The following SLC27A1 variants were observed in gnomAD, a reference collection of about 807,000 sequenced individuals.
SLC27A1 encodes long-chain fatty acid transport protein 1.
A neutral mutation model predicts 62.2 loss-of-function variants in SLC27A1; 61 were observed. That is an observed-to-expected ratio of 0.98 (90% CI 0.80 to 1.21). SLC27A1 has a LOEUF of 1.21. Among genes scored for constraint, SLC27A1 ranks in the 50% most tolerant of loss-of-function variants. The pLI, the probability that SLC27A1 is intolerant of heterozygous loss-of-function variation, is 0.00. For missense variants in SLC27A1, 903 were observed against 932.1 expected, an observed-to-expected ratio of 0.97 and a Z score of 0.41; for synonymous variants, 435 against 408.6, an observed-to-expected ratio of 1.06 and a Z score of -0.78.
chr19:17,502,608 C>A lies in SLC27A1; in HGVS notation c.1783+1189C>A, dbSNP rs2075429504. Reference sequence around the variant, plus strand: ...ACCTCAAGTGATCCACCTGCCTTGGCCTCCCAAAGTGTTGGGATTACACAC... The same window carrying A: ...ACCTCAAGTGATCCACCTGCCTTGGACTCCCAAAGTGTTGGGATTACACAC... On this transcript the variant is annotated intron_variant, in intron 11 of 11. Coordinates refer to ENST00000252595, the MANE Select transcript of SLC27A1 (RefSeq NM_198580.3). 5.3e-5 allele frequency among the ~76,000 whole-genome samples: 8 copies of A among 152,112 alleles called. No individual in the cohort carries two copies. In the South Asian group the frequency reaches 1.5e-3, roughly 28 times the overall value.
intron 1 of SLC27A1, among the ~76,000 whole-genome samples, chr19:17,479,357 T>C (rs2075153876): frequency 1.3e-5 from 2 of 152,184 alleles, no homozygotes; most frequent in Admixed American, 6.5e-5. Context: ...GCTGTCTTTG[T>C]CATGAAATCA....
intron 6 of SLC27A1, 84 bp from the exon 7 acceptor site, chr19:17,497,170 TG>T: frequency 9.4e-7 from 1 of 1,064,718 alleles, no homozygotes; most frequent in Non-Finnish European, 1.4e-6. Context: ...GCTCCCTGGG[TG>T]GGGCGGTCTC....
chr19:17,501,520 G>A (rs2075412772), intron 11 of SLC27A1, 101 bp downstream of exon 11: 7 of 1,482,118 alleles, frequency 4.7e-6, no homozygotes, highest in Non-Finnish European at 5.4e-6. Flanking sequence ...ATACCTGGCC[G>A]GGGCCAGGCA....
chr19:17,489,172 CCCTCCCAATCAGGCCCCACCT>C (rs1320139986), intron 6 of SLC27A1, 55 bp downstream of exon 6: 2 of 1,468,648 alleles, frequency 1.4e-6, no homozygotes, highest in African/African-American at 2.8e-5. Context: ...AGGCCTCACC[CCCTCCCAATCAGGCCCCACCT>C]CCTCCCGGTG....
rs2075476286 is a variant in SLC27A1 at position 17,505,985 on chromosome 19, C to G, written c.*1373C>G. The G allele has an allele frequency of 6.6e-6, 1 of 152,308 alleles. No individual in the cohort carries two copies. Among genetic ancestry groups the G allele is most frequent in the Non-Finnish European group, 1.5e-5 (1 of 68,136 alleles). 9.4% of individuals were successfully genotyped at this position (152,308 alleles called of 1,614,324 possible). A position where few individuals can be genotyped will look rare whatever the true frequency, so the allele number is the denominator to read the frequency against. On this transcript the variant is annotated 3_prime_UTR_variant, in exon 12 of 12. Transcript: ENST00000252595. ...TCGCTGGTGGCTCATCTCGAACATCCACGCCAGCCTTTCTGGGGCCGGCCA... is the reference window on the plus strand; with the variant it reads ...TCGCTGGTGGCTCATCTCGAACATCGACGCCAGCCTTTCTGGGGCCGGCCA...
rs1199575195 is a variant in SLC27A1, at chr19:17,486,446, A to G, written c.168-117A>G. On this transcript the variant is annotated intron_variant, in intron 1 of 11. Coordinates refer to ENST00000252595, the MANE Select transcript of SLC27A1 (RefSeq NM_198580.3). The surrounding 1 kb of genome is among the most constrained non-coding windows in gnomAD (Gnocchi z 6.6). Reference sequence around the variant, plus strand: ...AGATCCAGCCACCAAAAGTTTCACCATAGACCTCATCAAAGCCCCTGGCTG... The same window carrying G: ...AGATCCAGCCACCAAAAGTTTCACCGTAGACCTCATCAAAGCCCCTGGCTG... 10 of 1,258,786 alleles carry G rather than the reference A, an allele frequency of 7.9e-6. No homozygotes were observed. Among genetic ancestry groups the G allele is most frequent in the South Asian group, 1.5e-5 (1 of 65,256 alleles). 78.0% of individuals were successfully genotyped at this position (1,258,786 alleles called of 1,614,324 possible).
rs1226497241 is a variant in SLC27A1 at position 17,486,252 on chromosome 19, C to G, written c.168-311C>G. Among the ~76,000 whole-genome samples the G allele has an allele frequency of 2.6e-5, 4 of 152,146 alleles. No homozygotes were observed. Among genetic ancestry groups the G allele is most frequent in the Admixed American group, 2.6e-4 (4 of 15,282 alleles). On this transcript the variant is annotated intron_variant, in intron 1 of 11. Transcript: ENST00000252595. The surrounding 1 kb of genome is among the most constrained non-coding windows in gnomAD (Gnocchi z 6.6). Reference sequence around the variant, plus strand: ...GTGCTGGGGGATGGTGTCAGGTGCTCCAGACGTCGCAGGGGACAGAAAGGA... The same window carrying G: ...GTGCTGGGGGATGGTGTCAGGTGCTGCAGACGTCGCAGGGGACAGAAAGGA...
rs763810692 is a variant in SLC27A1, at chr19:17,488,950, C to T, written c.886+11C>T. 105 of 1,614,028 alleles carry T rather than the reference C, an allele frequency of 6.5e-5. No individual in the cohort carries two copies. The highest frequency in any genetic ancestry group is 8.6e-5 in the Non-Finnish European group (101 of 1,180,008). On this transcript the variant is annotated intron_variant, in intron 5 of 11. Coordinates refer to ENST00000252595, the MANE Select transcript of SLC27A1 (RefSeq NM_198580.3). ...TGTACCACTCGGCAGGTACTACGGCCTGGGTAGGGAATGGTGGGTGGGGGC... is the reference window on the plus strand; with the variant it reads ...TGTACCACTCGGCAGGTACTACGGCTTGGGTAGGGAATGGTGGGTGGGGGC...
chr19:17,497,577 C>T (rs749934675), intron 7 of SLC27A1, 113 bp downstream of exon 7: 133 of 974,436 alleles, frequency 1.4e-4, no homozygotes, highest in Middle Eastern at 2.0e-4. Context: ...CGGAAGGCTC[C>T]GCCAAGGCGC....
intron 10 of SLC27A1, 105 bp from the exon 11 acceptor site, chr19:17,501,168 G>C (rs985773531): frequency 1.4e-6 from 2 of 1,464,870 alleles, no homozygotes; most frequent in Non-Finnish European, 1.8e-6. Context: ...CAGGTTGGGA[G>C]AGACTGGAGA....
chr19:17,494,691 T>C (rs111268115), intron 6 of SLC27A1, among the ~76,000 whole-genome samples: 2,225 of 152,072 alleles, frequency 0.015, 71 homozygotes, highest in African/African-American at 0.052. Flanking sequence ...AGCTTCCTTA[T>C]TTGTGTTTGC....
intron 11 of SLC27A1, chr19:17,503,377 A>C (rs1384910015): frequency 6.6e-6 from 1 of 152,224 alleles, no homozygotes; most frequent in Non-Finnish European, 1.5e-5. Context: ...ATTGCTATTC[A>C]ACACTGCTAT....
At chr19:17,501,085 C>T (rs543143363) in intron 10 of SLC27A1, among the ~76,000 whole-genome samples, 188 bp from the exon 11 acceptor site, 1 of 152,332 alleles carries the variant, frequency 6.6e-6, no homozygotes, top group Non-Finnish European at 1.5e-5. Flanking sequence ...CATGAAAGCC[C>T]ACCTGTCTTA....
intron 11 of SLC27A1, among the ~76,000 whole-genome samples, chr19:17,503,089 TAAAG>T (rs1352882500): frequency 6.6e-6 from 1 of 152,044 alleles, no homozygotes; most frequent in African/African-American, 2.4e-5. Context: ...AACCACCAAA[TAAAG>T]CCATCAAATC....
intron 1 of SLC27A1, among the ~76,000 whole-genome samples, chr19:17,472,726 C>T (rs2075088614): frequency 6.6e-6 from 1 of 151,944 alleles, no homozygotes; most frequent in African/African-American, 2.4e-5. Flanking sequence ...GGGGTTTCAC[C>T]GTATTAACCA....
intron 1 of SLC27A1, among the ~76,000 whole-genome samples, chr19:17,476,462 C>T (rs7252071): frequency 0.53 from 79,244 of 149,698 alleles, 21,644 homozygotes; most frequent in African/African-American, 0.63. Context: ...CGTTTGAACC[C>T]GGGAGGCAGA....
intron 4 of SLC27A1, chr19:17,488,645 A>G (rs1200638850): frequency 3.3e-6 from 2 of 605,124 alleles, no homozygotes; most frequent in Non-Finnish European, 6.0e-6. Context: ...CAGCCCCTCT[A>G]TGCCCCTTGA....
intron 1 of SLC27A1, among the ~76,000 whole-genome samples, chr19:17,481,581 G>A (rs1213117554): frequency 6.6e-6 from 1 of 152,164 alleles, no homozygotes; most frequent in Non-Finnish European, 1.5e-5. Context: ...TCGGTTCACT[G>A]CAGCCTTGAC....
In SLC27A1 at chr19:17,504,962, G is replaced by C. The variant is rs975304254; in HGVS notation, c.*350G>C. 2.4e-6 allele frequency: 1 copy of C among 424,024 alleles called. No homozygotes were observed. The highest frequency in any genetic ancestry group is 6.7e-5 in the East Asian group (1 of 15,010). 26.3% of individuals were successfully genotyped at this position (424,024 alleles called of 1,614,324 possible). On this transcript the variant is annotated 3_prime_UTR_variant, in exon 12 of 12. Coordinates refer to ENST00000252595, the MANE Select transcript of SLC27A1 (RefSeq NM_198580.3). ...GGCTAGAGTGCAGTGGTGGGATCTC[G>C]GCTCACTGCAACCTCTGCCTCCTGG... is the stretch of plus-strand genomic sequence containing the variant.
Sources: allele counts gnomAD v4.1 joint callset (sites outside exome capture counted in the v4.1 genomes callset), GRCh38; gene constraint gnomAD v4.1.1; non-coding constraint Gnocchi (gnomAD v3.1); transcripts MANE v1.5; gene names NCBI Gene and HGNC (gene_info 2026-07-23, HGNC 2026-07-21).